MYH8: variants seen among roughly 807,000 people sequenced by gnomAD.
MYH8 encodes myosin-8.
Under a neutral mutation model 233.2 loss-of-function variants are expected in MYH8, and 168 were observed. The ratio of observed to expected loss-of-function variants is 0.72; its 90% CI spans 0.64 to 0.82. MYH8 has a LOEUF of 0.82. MYH8 is among the 40% of genes least tolerant of loss of function. The pLI is 0.00. For synonymous variants in MYH8, 785 were observed against 850.6 expected (o/e 0.92, Z 1.34); for missense variants, 1,995 against 2,327.8 (o/e 0.86, Z 2.94).
rs140159863 is a variant in MYH8 at position 10,414,151 on chromosome 17, C to A, written c.1008+41G>T. On this transcript the variant is annotated intron_variant, in intron 11 of 39. Transcript: ENST00000403437. ...CTACAGTAGTTTGCTATTGTCATTT[C>A]CATACATAATGGATTTTTAAAATTA... The A allele has an allele frequency of 1.8e-5, 29 of 1,608,546 alleles. No individual in the cohort carries two copies. In the African/African-American group the frequency reaches 3.3e-4, roughly 19 times the overall value.
intron 14 of MYH8, among the ~76,000 whole-genome samples, chr17:10,411,906 A>C (rs1447593021): frequency 6.6e-6 from 1 of 152,146 alleles, no homozygotes; most frequent in Non-Finnish European, 1.5e-5. Flanking sequence ...TTTATGTAAG[A>C]CAAATCTGGA....
At chr17:10,398,342 A>G in intron 30 of MYH8, 102 bp downstream of exon 30, 1 of 1,531,014 alleles carries the variant, frequency 6.5e-7, no homozygotes, top group African/African-American at 1.4e-5. Context: ...TTGACACAGT[A>G]TGCACTCAAT....
chr17:10,394,197 C>A, intron 35 of MYH8, 52 bp downstream of exon 35: 2 of 1,608,700 alleles, frequency 1.2e-6, no homozygotes, highest in South Asian at 1.1e-5. Flanking sequence ...TGTTATAATT[C>A]GAATGCATCA....
intron 15 of MYH8, among the ~76,000 whole-genome samples, chr17:10,410,506 A>C (rs1386334197): frequency 6.6e-6 from 1 of 152,206 alleles, no homozygotes; most frequent in East Asian, 1.9e-4. Context: ...TAGTTGTAGT[A>C]AAGCAGAACA....
chr17:10,400,370 T>G lies in MYH8; in HGVS notation c.3735+20A>C. On this transcript the variant is annotated intron_variant, in intron 27 of 39. Transcript: ENST00000403437. This position sits in a 1 kb window ranked among gnomAD's most constrained non-coding sequence, Gnocchi z 4.0. ...TGTTCTTACAGATGATTACCTTCATTTAGAGACAGTATTGGGTACCTTGGC... is the reference window on the plus strand; with the variant it reads ...TGTTCTTACAGATGATTACCTTCATGTAGAGACAGTATTGGGTACCTTGGC... 1 of 1,610,202 alleles carries G rather than the reference T, an allele frequency of 6.2e-7. No individual in the cohort carries two copies. Among genetic ancestry groups the G allele is most frequent in the Non-Finnish European group, 8.5e-7 (1 of 1,179,816 alleles).
At chr17:10,404,002 G>A (rs1292100700) in intron 22 of MYH8, among the ~76,000 whole-genome samples, 1 of 152,146 alleles carries the variant, frequency 6.6e-6, no homozygotes. Context: ...AGAAAATAGA[G>A]CTATACTTTT....
In MYH8 at chr17:10,415,675, A is replaced by G; in HGVS notation, c.539+6T>C. The G allele has an allele frequency of 2.5e-6, 4 of 1,614,076 alleles. No individual in the cohort carries two copies. Among genetic ancestry groups the G allele is most frequent in the South Asian group, 2.2e-5 (2 of 91,068 alleles). On this transcript the variant is annotated splice_donor_region_variant and intron_variant, in intron 6 of 39. Coordinates refer to ENST00000403437, the MANE Select transcript of MYH8 (RefSeq NM_002472.3). This position sits in a 1 kb window ranked among gnomAD's most constrained non-coding sequence, Gnocchi z 4.1. ...TGCAAATCAGAGAAGAAAAAAAATC[A>G]CATACGTGATCAGGATGGACTGATT...
chr17:10,406,743 G>GC lies in MYH8; in HGVS notation c.2117dup (p.Ile707HisfsTer3), dbSNP rs1567686211. ...TGCTTGGGAATCCTTTCCTACAGATGCGGATGCCTTCCAGCACACCATTAC... is the reference window on the plus strand; with the variant it reads ...TGCTTGGGAATCCTTTCCTACAGATGCCGGATGCCTTCCAGCACACCATTAC... On this transcript the variant is annotated frameshift_variant, in exon 19 of 40. Coordinates refer to ENST00000403437, the MANE Select transcript of MYH8 (RefSeq NM_002472.3). LOFTEE classifies it high-confidence loss of function. 1.2e-6 allele frequency: 2 copies of GC among 1,614,120 alleles called. No homozygotes were observed. Among genetic ancestry groups the GC allele is most frequent in the Non-Finnish European group, 8.5e-7 (1 of 1,180,024 alleles).
At position 10,393,532 on chromosome 17, in the gene MYH8, A is replaced by AAG. The variant is rs989921904; in HGVS notation, c.5167-324_5167-323dup. ...TATCTCTGGAAGGTTGGAAATAGAA[A>AAG]AGAATAGATTCGTTTTGTGAGTGGC... is the stretch of plus-strand genomic sequence containing the variant. On this transcript the variant is annotated intron_variant, in intron 35 of 39. Transcript: ENST00000403437. Among the ~76,000 whole-genome samples, 13 of 152,352 alleles carry AAG rather than the reference A, an allele frequency of 8.5e-5. No individual in the cohort carries two copies. The East Asian group carries it at 2.5e-3, about 29-fold the overall frequency.
intron 15 of MYH8, among the ~76,000 whole-genome samples, chr17:10,410,408 T>A (rs566893582): frequency 6.6e-6 from 1 of 152,378 alleles, no homozygotes; most frequent in Non-Finnish European, 1.5e-5. Flanking sequence ...AACTGTGTCA[T>A]GTGTGCATTA....
Position 10,413,993 on chromosome 17 carries a change from G to A in MYH8, c.1056C>T (p.Ile352=), listed in dbSNP as rs2072267163. ...LGFTPEEKVS[I]YKLTGAVMHY... ...GCATCACAGCCCCTGTGAGTTTATA[G>A]ATGGACACTTTCTCTTCAGGAGTGA... is the stretch of plus-strand genomic sequence containing the variant. The change falls in exon 12 of 40, where the codon ATC becomes ATT. Residue 352 remains isoleucine (I), a synonymous_variant. Transcript: ENST00000403437. The A allele has an allele frequency of 6.2e-7, 1 of 1,614,088 alleles. No individual in the cohort carries two copies. The highest frequency in any genetic ancestry group is 8.5e-7 in the Non-Finnish European group (1 of 1,180,018).
intron 5 of MYH8, among the ~76,000 whole-genome samples, chr17:10,418,067 G>C (rs1354992096): frequency 6.6e-6 from 1 of 152,184 alleles, no homozygotes; most frequent in Admixed American, 6.5e-5. Context: ...AACAGACTTT[G>C]ATACAATTTA....
chr17:10,404,400 C>G lies in MYH8; in HGVS notation c.2618G>C (p.Arg873Pro). The G allele has an allele frequency of 6.2e-7, 1 of 1,613,668 alleles. No individual in the cohort carries two copies. The highest frequency in any genetic ancestry group is 8.5e-7 in the Non-Finnish European group (1 of 1,179,848). ...GACCATTTTTTCCTCTAGCTCCTTC[C>G]GTTTTGCCTCTGACTTGGCGAGTTC... ...KDELAKSEAK[R>P]KELEEKMVTL... is the part of the protein sequence containing the mutation. The change falls in exon 22 of 40, where the codon CGG (arginine) becomes CCG (proline). Residue 873 changes from arginine (R) to proline (P), a missense_variant. Physicochemically the swap from Arg to Pro is moderately radical, Grantham distance 103. Around this residue, in one of 3 missense-constraint regions of MYH8, gnomAD observed 1,498 missense variants for 1,680.9 expected, o/e 0.89. Transcript: ENST00000403437.
chr17:10,393,232 A>G (rs1220328824), intron 35 of MYH8, 22 bp from the exon 36 acceptor site: 2 of 1,613,902 alleles, frequency 1.2e-6, no homozygotes, highest in Admixed American at 1.7e-5. Flanking sequence ...AGTCGTGGAA[A>G]TTTACAAAAT....
intron 37 of MYH8, 58 bp downstream of exon 37, chr17:10,392,773 A>G (rs2072039200): frequency 6.2e-7 from 1 of 1,614,138 alleles, no homozygotes; most frequent in Non-Finnish European, 8.5e-7. Flanking sequence ...AGGAAGAGAG[A>G]AGGGTAGAGA....
rs2072191920 is a variant in MYH8 at position 10,406,250 on chromosome 17, A to T, written c.2295+24T>A. The stretch of plus-strand genomic sequence containing the variant: ...AGAAATGGCAGAAGGTACTTGGATC[A>T]GGTGTAAATAAATAACGATATACCT... On this transcript the variant is annotated intron_variant, in intron 20 of 39. Transcript: ENST00000403437. The T allele has an allele frequency of 3.7e-6, 6 of 1,614,112 alleles. No individual in the cohort carries two copies. The East Asian group carries it at 1.3e-4, about 36-fold the overall frequency.
At chr17:10,398,011 C>T (rs969647355) in intron 30 of MYH8, among the ~76,000 whole-genome samples, 3 of 152,086 alleles carry the variant, frequency 2.0e-5, no homozygotes, top group South Asian at 2.1e-4. Context: ...TGAAGGTCTC[C>T]GTTTGTCTAT....
rs751421547 is a variant in MYH8, at chr17:10,395,317, T to A, written c.4778A>T (p.His1593Leu). 2 of 1,614,218 alleles carry A rather than the reference T, an allele frequency of 1.2e-6. No individual in the cohort carries two copies. Among genetic ancestry groups the A allele is most frequent in the Non-Finnish European group, 1.7e-6 (2 of 1,180,032 alleles). The change falls in exon 34 of 40, where the codon CAC (histidine) becomes CTC (leucine). Residue 1593 changes from histidine (H) to leucine (L), a missense_variant. His to Leu is a moderately conservative substitution (Grantham distance 99). Around this residue, in one of 3 missense-constraint regions of MYH8, gnomAD observed 1,498 missense variants for 1,680.9 expected, o/e 0.89. Coordinates refer to ENST00000403437, the MANE Select transcript of MYH8 (RefSeq NM_002472.3). ...CTGCATTGTCTCCACGACTCTAGTG[T>A]GGTTTCTCTTCAGCTGGTCAATTTC... The part of the protein sequence containing the change: ...DEEIDQLKRN[H>L]TRVVETMQST...
chr17:10,410,499 T>G (rs556741664), intron 15 of MYH8, among the ~76,000 whole-genome samples: 13 of 152,230 alleles, frequency 8.5e-5, no homozygotes, highest in African/African-American at 2.9e-4. Flanking sequence ...AGGACAGTAG[T>G]TGTAGTAAAG....
Sources: gnomAD v4.1 joint callset for allele counts (sites outside exome capture counted in the v4.1 genomes callset) on GRCh38, gnomAD v4.1.1 for gene constraint, gnomAD v4.1.1 regional missense constraint, Gnocchi (gnomAD v3.1) non-coding constraint, MANE v1.5 for transcripts, NCBI Gene and HGNC (gene_info 2026-07-23, HGNC 2026-07-21) for gene names.